The following PIBF1 variants were observed in gnomAD, a reference collection of about 807,000 sequenced individuals.
The protein encoded by PIBF1 is progesterone immunomodulatory binding factor 1, also known as progesterone-induced-blocking factor 1.
A neutral mutation model predicts 112.5 loss-of-function variants in PIBF1; 90 were observed. The observed-to-expected ratio is 0.80, with a 90% CI of 0.67 to 0.95. The LOEUF (loss-of-function observed/expected upper bound fraction) is 0.95. PIBF1 is among the 40% of genes least tolerant of loss of function. The pLI is 0.00. For synonymous variants in PIBF1, 301 were observed against 288.6 expected, an observed-to-expected ratio of 1.04 and a Z score of -0.44; for missense variants, 915 against 852.3, an observed-to-expected ratio of 1.07 and a Z score of -0.92.
intron 9 of PIBF1, among the ~76,000 whole-genome samples, chr13:72,848,848 A>G (rs2037997541): frequency 6.6e-6 from 1 of 150,768 alleles, no homozygotes; most frequent in South Asian, 2.1e-4. Context: ...AAAAAAAAAG[A>G]ACTTAACTCT....
At position 72,830,218 on chromosome 13, in the gene PIBF1, C is replaced by T. The variant is rs114865276; in HGVS notation, c.1097+2304C>T. Among the ~76,000 whole-genome samples, 1,076 of 152,250 alleles carry T rather than the reference C, an allele frequency of 7.1e-3. 15 individuals are homozygous for T. Among genetic ancestry groups the T allele is most frequent in the African/African-American group, 0.025 (1,035 of 41,528 alleles). ...TCTAAATATACAATCATGTCATCAA[C>T]GAACTGAGACAATTTGACTTTCTCT... is the stretch of plus-strand genomic sequence containing the variant. On this transcript the variant is annotated intron_variant, in intron 8 of 17. Coordinates refer to ENST00000326291, the MANE Select transcript of PIBF1 (RefSeq NM_006346.4).
intron 16 of PIBF1, among the ~76,000 whole-genome samples, chr13:72,995,636 C>T (rs2043627903): frequency 6.6e-6 from 1 of 151,948 alleles, no homozygotes; most frequent in Non-Finnish European, 1.5e-5. Context: ...AACTTTAAAC[C>T]AATCAAAGAT....
At chr13:72,848,150 T>C (rs938543110) in intron 9 of PIBF1, among the ~76,000 whole-genome samples, 2 of 152,214 alleles carry the variant, frequency 1.3e-5, no homozygotes, top group Admixed American at 1.3e-4. Context: ...TATTTATGCT[T>C]GGTAAATTTT....
chr13:72,878,120 A>T (rs2039485073), intron 10 of PIBF1, among the ~76,000 whole-genome samples: 2 of 144,872 alleles, frequency 1.4e-5, no homozygotes, highest in African/African-American at 5.0e-5. Flanking sequence ...GGTTTTATTG[A>T]TTTTTTTTTT....
chr13:72,917,770 C>T (rs1355227459), intron 13 of PIBF1, among the ~76,000 whole-genome samples: 2 of 152,056 alleles, frequency 1.3e-5, no homozygotes, highest in South Asian at 2.1e-4. Flanking sequence ...GAGTATGTGC[C>T]GACTTTTTTT....
At chr13:72,828,045 C>CTTATTTTATT (rs71099757) in intron 8 of PIBF1, 131 bp downstream of exon 8, 72,151 of 341,206 alleles carry the variant, frequency 0.21, 10,694 homozygotes, top group South Asian at 0.39. Context: ...AAGATAATAC[C>CTTATTTTATT]TTATTTTATT....
rs1396372069 is a variant in PIBF1, at chr13:72,908,663, A to G, written c.1621A>G (p.Ile541Val). ...EKLEKELDEIIMQTAEIENED... is the reference protein window; with the variant it reads ...EKLEKELDEIVMQTAEIENED... ...ACTGGAAAAAGAGCTTGATGAAATA[A>G]TAATGCAAACTGCAGAAAGTAAGTC... The change falls in exon 12 of 18, where the codon ATA becomes GTA. Residue 541 changes from isoleucine to valine, a missense_variant. Transcript: ENST00000326291. The G allele has an allele frequency of 1.9e-6, 3 of 1,613,058 alleles. No homozygotes were observed. Among genetic ancestry groups the G allele is most frequent in the East Asian group, 2.2e-5 (1 of 44,852 alleles).
At chr13:72,928,874 T>C (rs771599538) in intron 13 of PIBF1, among the ~76,000 whole-genome samples, 14 of 152,224 alleles carry the variant, frequency 9.2e-5, no homozygotes, top group Non-Finnish European at 1.8e-4. Context: ...TTTAACATTA[T>C]TAAACTTGAT....
At chr13:72,978,547 T>C (rs1328931474) in intron 16 of PIBF1, among the ~76,000 whole-genome samples, 1 of 152,240 alleles carries the variant, frequency 6.6e-6, no homozygotes, top group Non-Finnish European at 1.5e-5. Context: ...TCTTTCTTTT[T>C]TTCATAAAAT....
Position 72,827,861 on chromosome 13 carries a change from G to A in PIBF1, c.1044G>A (p.Leu348=). The A allele has an allele frequency of 6.3e-7, 1 of 1,589,796 alleles. No homozygotes were observed. The highest frequency in any genetic ancestry group is 1.3e-5 in the African/African-American group (1 of 74,396). Reference sequence around the variant, plus strand: ...GCCTTGAAAGACTTCAAGCTCAACTGGAAGAAAGCAAAAAGGCTAGAGAAG... The same window carrying A: ...GCCTTGAAAGACTTCAAGCTCAACTAGAAGAAAGCAAAAAGGCTAGAGAAG... ...EDRLERLQAQ[L]EESKKAREEM... is the part of the protein sequence containing the mutation. Residue 348 remains leucine, a synonymous_variant, in exon 8 of 18, where the codon CTG becomes CTA. Coordinates refer to ENST00000326291, the MANE Select transcript of PIBF1 (RefSeq NM_006346.4).
intron 12 of PIBF1, among the ~76,000 whole-genome samples, chr13:72,911,807 G>A (rs765789846): frequency 1.3e-5 from 2 of 152,104 alleles, no homozygotes; most frequent in African/African-American, 4.8e-5. Flanking sequence ...ATACCCAAAT[G>A]TGGTGGGCTG....
At chr13:72,912,444 G>A (rs1056518406) in intron 12 of PIBF1, among the ~76,000 whole-genome samples, 1 of 152,154 alleles carries the variant, frequency 6.6e-6, no homozygotes, top group Admixed American at 6.5e-5. Context: ...TACTAGTCAT[G>A]AGGGAAAAGC....
chr13:72,811,635 C>T (rs1018304204), intron 5 of PIBF1, among the ~76,000 whole-genome samples: 2 of 151,106 alleles, frequency 1.3e-5, no homozygotes, highest in African/African-American at 4.9e-5. Flanking sequence ...ATATTAATGC[C>T]ATTTCTTGCC....
intron 12 of PIBF1, among the ~76,000 whole-genome samples, chr13:72,916,826 A>T (rs575874270): frequency 5.9e-5 from 9 of 152,152 alleles, no homozygotes; most frequent in Non-Finnish European, 1.2e-4. Context: ...TATACTTTTT[A>T]ACAAGAAAAC....
intron 16 of PIBF1, among the ~76,000 whole-genome samples, chr13:72,987,858 A>ATTTATTTATTTATTTATTTT (rs1345167411): frequency 1.7e-5 from 1 of 58,136 alleles, no homozygotes; most frequent in Non-Finnish European, 2.8e-5. Context: ...TTATTTATTT[A>ATTTATTTATTTATTTATTTT]TTTTTTTTTT....
At chr13:72,984,716 T>C (rs901433480) in intron 16 of PIBF1, among the ~76,000 whole-genome samples, 3 of 152,170 alleles carry the variant, frequency 2.0e-5, no homozygotes, top group Non-Finnish European at 2.9e-5. Context: ...CTAATAGAAC[T>C]ATGTCAAAAT....
chr13:72,917,009 C>A, intron 12 of PIBF1, 67 bp from the exon 13 acceptor site: 1 of 1,023,288 alleles, frequency 9.8e-7, no homozygotes, highest in Non-Finnish European at 1.4e-6. Flanking sequence ...CCTTTATTTT[C>A]ACTTCTGCCA....
In PIBF1 at chr13:72,939,356, C is replaced by T. The variant is rs552087455; in HGVS notation, c.1833+8089C>T. ...CATGTTCATCACCCCAGAATAAAAC[C>T]TTGTACCCATTAAGCACTTAATACC... On this transcript the variant is annotated intron_variant, in intron 14 of 17. Coordinates refer to ENST00000326291, the MANE Select transcript of PIBF1 (RefSeq NM_006346.4). Among the ~76,000 whole-genome samples the T allele has an allele frequency of 5.3e-5, 8 of 152,252 alleles. No homozygotes were observed. The East Asian group carries it at 1.4e-3, about 26-fold the overall frequency.
At chr13:72,787,806 G>A (rs887332220) in intron 2 of PIBF1, among the ~76,000 whole-genome samples, 1 of 152,034 alleles carries the variant, frequency 6.6e-6, no homozygotes, top group African/African-American at 2.4e-5. Context: ...CTGTAGGCCC[G>A]TGCCACAACG....
Sources: gnomAD v4.1 joint callset for allele counts (sites outside exome capture counted in the v4.1 genomes callset) on GRCh38, gnomAD v4.1.1 for gene constraint, MANE v1.5 for transcripts, NCBI Gene and HGNC (gene_info 2026-07-23, HGNC 2026-07-21) for gene names.